Variants in LEKR1 observed in about 807,000 individuals in gnomAD.
LEKR1 encodes the protein protein LEKR1.
Under a neutral mutation model 72.4 loss-of-function variants are expected in LEKR1, and 59 were observed. The ratio of observed to expected loss-of-function variants is 0.82; its 90% CI spans 0.66 to 1.01. LEKR1 has a LOEUF of 1.01. Ranked by LOEUF, LEKR1 falls within the 50% of genes least tolerant of loss-of-function variation. The probability of loss-of-function intolerance (pLI) is 0.00; values close to 1 mark genes in which losing one functional copy is unlikely to be tolerated. For synonymous variants in LEKR1, 257 were observed against 263.2 expected (o/e 0.98, Z 0.23); for missense variants, 728 against 759.2 (o/e 0.96, Z 0.48).
chr3:156,987,972 AC>A (rs1730843346), intron 7 of LEKR1: 1 of 152,214 alleles, frequency 6.6e-6, no homozygotes, highest in Admixed American at 6.5e-5. Flanking sequence ...TCAAGTGGAA[AC>A]CCTGTTTTCT....
chr3:156,970,205 C>T (rs958617266), intron 6 of LEKR1, among the ~76,000 whole-genome samples: 3 of 152,188 alleles, frequency 2.0e-5, no homozygotes, highest in African/African-American at 7.2e-5. Flanking sequence ...CCTTTGAAAA[C>T]TGGCACAAGA....
At chr3:156,959,102 T>C (rs1223043181) in intron 6 of LEKR1, among the ~76,000 whole-genome samples, 2 of 152,284 alleles carry the variant, frequency 1.3e-5, no homozygotes, top group Non-Finnish European at 2.9e-5. Flanking sequence ...TCAGATATCA[T>C]GTTAAGCTTT....
chr3:156,904,095 A>G (rs571715096), intron 3 of LEKR1, among the ~76,000 whole-genome samples: 122 of 152,358 alleles, frequency 8.0e-4, no homozygotes, highest in African/African-American at 2.8e-3. Context: ...ATCCTTTAGA[A>G]TTAATCAATA....
At chr3:156,882,128 A>T (rs1185973244) in intron 3 of LEKR1, among the ~76,000 whole-genome samples, 1 of 150,162 alleles carries the variant, frequency 6.7e-6, no homozygotes, top group African/African-American at 2.5e-5. Context: ...AAGCAATGGC[A>T]ACAAAAGACA....
At chr3:156,929,323 T>G (rs1347071906) in intron 5 of LEKR1, among the ~76,000 whole-genome samples, 4 of 152,104 alleles carry the variant, frequency 2.6e-5, no homozygotes, top group African/African-American at 9.7e-5. Flanking sequence ...AGTTGTCTAA[T>G]GATGAATGTT....
chr3:156,885,600 C>T (rs1437746949), intron 3 of LEKR1, among the ~76,000 whole-genome samples: 1 of 152,246 alleles, frequency 6.6e-6, no homozygotes, highest in East Asian at 1.9e-4. Context: ...GGGGCTGGTG[C>T]TGTCCTGTGA....
chr3:156,885,404 G>A (rs887573465), intron 3 of LEKR1, among the ~76,000 whole-genome samples: 8 of 152,084 alleles, frequency 5.3e-5, no homozygotes, highest in African/African-American at 1.9e-4. Flanking sequence ...CTTCTTATTT[G>A]GGTAGACTGT....
chr3:157,024,784 A>C lies in LEKR1; in HGVS notation c.1228A>C (p.Arg410=), dbSNP rs747693439. Residue 410 remains arginine, a synonymous_variant, in exon 11 of 13, where the codon AGG becomes CGG. Transcript: ENST00000356539. ...EKIEAELAKE[R]AQHLVEFEEQ... Reference sequence around the variant, plus strand: ...GATTGAAGCAGAACTTGCCAAGGAAAGGGCCCAACACTTGGTTGAATTTGA... The same window carrying C: ...GATTGAAGCAGAACTTGCCAAGGAACGGGCCCAACACTTGGTTGAATTTGA... 12 of 1,606,742 alleles carry C rather than the reference A, an allele frequency of 7.5e-6. No individual in the cohort carries two copies. Among genetic ancestry groups the C allele is most frequent in the African/African-American group, 6.7e-5 (5 of 74,396 alleles).
chr3:156,856,839 A>T (rs1716117924), intron 3 of LEKR1, among the ~76,000 whole-genome samples: 1 of 152,094 alleles, frequency 6.6e-6, no homozygotes, highest in Non-Finnish European at 1.5e-5. Flanking sequence ...TACCTGTAAA[A>T]CAGTCACATC....
rs1198855559 is a variant in LEKR1, at chr3:156,866,872, T to G, written c.263+13890T>G. 3.3e-5 allele frequency among the ~76,000 whole-genome samples: 5 copies of G among 152,170 alleles called. No homozygotes were observed. In the South Asian group the frequency reaches 6.2e-4, roughly 19 times the overall value. Reference sequence around the variant, plus strand: ...TTCCCCTTCCCCACACCCAACTCTATGCACCCTGCATACTGTCCTTCATAT... The same window carrying G: ...TTCCCCTTCCCCACACCCAACTCTAGGCACCCTGCATACTGTCCTTCATAT... On this transcript the variant is annotated intron_variant, in intron 3 of 12. Transcript: ENST00000356539.
At chr3:156,929,175 A>T (rs970755495) in intron 5 of LEKR1, among the ~76,000 whole-genome samples, 2 of 151,186 alleles carry the variant, frequency 1.3e-5, no homozygotes, top group Non-Finnish European at 1.5e-5. Flanking sequence ...TTTTTTTTTT[A>T]AAGTCAAGAA....
At chr3:156,858,564 C>A (rs1330861583) in intron 3 of LEKR1, among the ~76,000 whole-genome samples, 1 of 151,484 alleles carries the variant, frequency 6.6e-6, no homozygotes, top group African/African-American at 2.4e-5. Flanking sequence ...ACCCCAGACA[C>A]TTGGGAGGCT....
At chr3:157,003,474 A>G (rs1050741112) in intron 9 of LEKR1, among the ~76,000 whole-genome samples, 5 of 152,184 alleles carry the variant, frequency 3.3e-5, no homozygotes. Context: ...GGTAAAATCA[A>G]GGTGTCAGCA....
At chr3:156,973,294 G>A (rs1041010464) in intron 6 of LEKR1, among the ~76,000 whole-genome samples, 6 of 152,018 alleles carry the variant, frequency 3.9e-5, no homozygotes, top group Non-Finnish European at 8.8e-5. Flanking sequence ...GATTCAATGA[G>A]TGTAAAGCAC....
At position 156,879,789 on chromosome 3, in the gene LEKR1, G is replaced by A. The variant is rs563347776; in HGVS notation, c.263+26807G>A. Among the ~76,000 whole-genome samples the A allele has an allele frequency of 1.1e-4, 17 of 152,322 alleles. No individual in the cohort carries two copies. In the South Asian group the frequency reaches 1.7e-3, roughly 15 times the overall value. On this transcript the variant is annotated intron_variant, in intron 3 of 12. Coordinates refer to ENST00000356539, the MANE Select transcript of LEKR1 (RefSeq NM_001004316.3). ...GACACACTAGCCATGGCTAAAAGGC[G>A]CCAAGGTACAGCTCGGGTTGTGGCT...
At position 156,852,786 on chromosome 3, in the gene LEKR1, G is replaced by T. The variant is rs1482789586; in HGVS notation, c.67G>T (p.Val23Phe). 6.6e-7 allele frequency: 1 copy of T among 1,522,428 alleles called. No homozygotes were observed. Among genetic ancestry groups the T allele is most frequent in the South Asian group, 1.2e-5 (1 of 81,140 alleles). 94.3% of individuals were successfully genotyped at this position (1,522,428 alleles called of 1,614,324 possible). Residue 23 changes from valine (V) to phenylalanine (F), a missense_variant, in exon 3 of 13, where the codon GTT (valine) becomes TTT (phenylalanine). Coordinates refer to ENST00000356539, the MANE Select transcript of LEKR1 (RefSeq NM_001004316.3). ...EIQKMLPEEK[V>F]CKYCGVSYLI... ...TTCCTAGATGTTGCCTGAAGAAAAAGTTTGTAAGTACTGTGGAGTCAGCTA... is the reference window on the plus strand; with the variant it reads ...TTCCTAGATGTTGCCTGAAGAAAAATTTTGTAAGTACTGTGGAGTCAGCTA...
At chr3:156,979,915 G>A (rs570577305) in intron 7 of LEKR1, 12 of 152,202 alleles carry the variant, frequency 7.9e-5, no homozygotes, top group Non-Finnish European at 1.8e-4. Flanking sequence ...TCGGGAGGCT[G>A]AACTGGGAAG....
At chr3:156,887,120 T>C (rs1720184088) in intron 3 of LEKR1, among the ~76,000 whole-genome samples, 1 of 152,242 alleles carries the variant, frequency 6.6e-6, no homozygotes, top group African/African-American at 2.4e-5. Flanking sequence ...TTTTGTAATT[T>C]TCTTTTTGAT....
intron 5 of LEKR1, among the ~76,000 whole-genome samples, chr3:156,940,005 C>A (rs1473199978): frequency 6.6e-6 from 1 of 152,106 alleles, no homozygotes; most frequent in Non-Finnish European, 1.5e-5. Flanking sequence ...CTATCCTACT[C>A]TGACATTTAA....
Sources: gnomAD v4.1 joint callset for allele counts (sites outside exome capture counted in the v4.1 genomes callset) on GRCh38, gnomAD v4.1.1 for gene constraint, MANE v1.5 for transcripts, NCBI Gene and HGNC (gene_info 2026-07-23, HGNC 2026-07-21) for gene names.